The following C1orf159 variants were observed in gnomAD, a reference collection of about 807,000 sequenced individuals.
C1orf159 encodes the protein uncharacterized protein C1orf159.
A neutral mutation model predicts 25.6 loss-of-function variants in C1orf159; 19 were observed. The observed-to-expected ratio is 0.74, with a 90% CI of 0.52 to 1.09. C1orf159 has a LOEUF of 1.09. Among genes scored for constraint, C1orf159 ranks in the 50% least tolerant of loss-of-function variants. The probability of loss-of-function intolerance (pLI) is 0.00; values close to 1 mark genes in which losing one functional copy is unlikely to be tolerated. For synonymous variants in C1orf159, 139 were observed against 124.7 expected, an observed-to-expected ratio of 1.12 and a Z score of -0.77; for missense variants, 274 against 290.6, an observed-to-expected ratio of 0.94 and a Z score of 0.42.
At chr1:1,108,416 A>G (rs1349357264) in intron 1 of C1orf159, among the ~76,000 whole-genome samples, 3 of 96,092 alleles carry the variant, frequency 3.1e-5, no homozygotes, top group African/African-American at 1.1e-4. Flanking sequence ...ACCATGTCTC[A>G]GCAGCACCGT....
At position 1,110,152 on chromosome 1, in the gene C1orf159, C is replaced by A. The variant is rs1013606456; in HGVS notation, c.-136+5908G>T. Among the ~76,000 whole-genome samples the A allele has an allele frequency of 1.3e-5, 2 of 152,174 alleles. No homozygotes were observed. Among genetic ancestry groups the A allele is most frequent in the Non-Finnish European group, 2.9e-5 (2 of 68,034 alleles). ...GGCGTCTTATTGCCGCAGAGTCTGT[C>A]AGTCTCGTGATCTCCACTTTAACAC... On this transcript the variant is annotated intron_variant, in intron 1 of 9. Coordinates refer to ENST00000421241, the MANE Select transcript of C1orf159 (RefSeq NM_017891.5). This position sits in a 1 kb window ranked among gnomAD's most constrained non-coding sequence, Gnocchi z 4.8.
At chr1:1,084,543 A>G (rs1479921811) in intron 7 of C1orf159, 37 bp from the exon 8 acceptor site, 1 of 1,548,956 alleles carries the variant, frequency 6.5e-7, no homozygotes, top group Non-Finnish European at 8.7e-7. Context: ...CCTGGAGCCC[A>G]GGAGCTGCCT....
At chr1:1,113,912 C>A (rs893908887) in intron 1 of C1orf159, among the ~76,000 whole-genome samples, 3 of 144,430 alleles carry the variant, frequency 2.1e-5, no homozygotes, top group Non-Finnish European at 1.5e-5. Context: ...TCCCTCGAGG[C>A]CTTTTTTTTT....
In C1orf159 at chr1:1,089,852, C is replaced by G. The variant is rs2100748015; in HGVS notation, c.148+501G>C. On this transcript the variant is annotated intron_variant, in intron 4 of 9. Transcript: ENST00000421241. The surrounding 1 kb of genome is among the most constrained non-coding windows in gnomAD (Gnocchi z 7.5). ...CCCAGCTGCCCCCAGACAGTCCCTTCCGCAGCCTCCCAGAACCTCTGATGA... is the reference window on the plus strand; with the variant it reads ...CCCAGCTGCCCCCAGACAGTCCCTTGCGCAGCCTCCCAGAACCTCTGATGA... Among the ~76,000 whole-genome samples the G allele has an allele frequency of 6.6e-6, 1 of 152,348 alleles. No individual in the cohort carries two copies. The highest frequency in any genetic ancestry group is 2.4e-5 in the African/African-American group (1 of 41,590).
intron 8 of C1orf159, 42 bp downstream of exon 8, chr1:1,084,439 C>G (rs760395326): frequency 2.5e-6 from 4 of 1,578,194 alleles, no homozygotes; most frequent in Non-Finnish European, 3.4e-6. Flanking sequence ...CACAGGCACA[C>G]GCGGCCAGGG....
In C1orf159 at chr1:1,087,339, C is replaced by T; in HGVS notation, c.245-135G>A. On this transcript the variant is annotated intron_variant, in intron 5 of 9. Coordinates refer to ENST00000421241, the MANE Select transcript of C1orf159 (RefSeq NM_017891.5). This position sits in a 1 kb window ranked among gnomAD's most constrained non-coding sequence, Gnocchi z 8.3. ...GGGCGGAGCAGCCCTCACCACAGAG[C>T]TGTCCCGAATGGCCCAGCAGACTCG... 1 of 1,184,972 alleles carries T rather than the reference C, an allele frequency of 8.4e-7. No homozygotes were observed. The highest frequency in any genetic ancestry group is 1.5e-5 in the South Asian group (1 of 64,534). 73.4% of individuals were successfully genotyped at this position (1,184,972 alleles called of 1,614,324 possible).
In C1orf159 at chr1:1,090,698, G is replaced by A. The variant is rs905942509; in HGVS notation, c.73-270C>T. On this transcript the variant is annotated intron_variant, in intron 3 of 9. Transcript: ENST00000421241. ...GAAGAGTAAACCACCCCCAGGAGGCGGCACCCGCAGGCCATGGCAGCGCCA... is the reference window on the plus strand; with the variant it reads ...GAAGAGTAAACCACCCCCAGGAGGCAGCACCCGCAGGCCATGGCAGCGCCA... The A allele has an allele frequency of 1.2e-4, 89 of 712,520 alleles. No individual in the cohort carries two copies. In the East Asian group the frequency reaches 1.5e-3, roughly 12 times the overall value. The allele number at this position is 712,520 out of a possible 1,614,324, so 44.1% of individuals were successfully genotyped here.
chr1:1,082,772 G>A lies in C1orf159; in HGVS notation c.*121C>T, dbSNP rs956281587. On this transcript the variant is annotated 3_prime_UTR_variant, in exon 10 of 10. Transcript: ENST00000421241. ...CTGGGAGGCGGAGGGACTCAGAGCC[G>A]AGGCTGTGCCCAGGACTGTCCCGGG... 9 of 922,416 alleles carry A rather than the reference G, an allele frequency of 9.8e-6. No homozygotes were observed. The highest frequency in any genetic ancestry group is 8.0e-5 in the East Asian group (3 of 37,460). 57.1% of individuals were successfully genotyped at this position (922,416 alleles called of 1,614,324 possible).
chr1:1,115,283 C>A (rs1166051469), intron 1 of C1orf159, among the ~76,000 whole-genome samples: 1 of 152,166 alleles, frequency 6.6e-6, no homozygotes, highest in Non-Finnish European at 1.5e-5. Context: ...ACACGCGCTC[C>A]CGAAAAACTG....
At chr1:1,115,253 ATCGAC>A (rs1273705419) in intron 1 of C1orf159, among the ~76,000 whole-genome samples, 1 of 147,720 alleles carries the variant, frequency 6.8e-6, no homozygotes, top group Non-Finnish European at 1.5e-5. Flanking sequence ...AAACTCAATC[ATCGAC>A]TCGCTGCCAC....
At chr1:1,114,559 C>A (rs1481875395) in intron 1 of C1orf159, among the ~76,000 whole-genome samples, 1 of 152,164 alleles carries the variant, frequency 6.6e-6, no homozygotes, top group Non-Finnish European at 1.5e-5. Context: ...GCTGAGGTGA[C>A]TGCGTGTGGA....
At chr1:1,098,071 T>TA (rs1289837441) in intron 1 of C1orf159, among the ~76,000 whole-genome samples, 3 of 152,000 alleles carry the variant, frequency 2.0e-5, no homozygotes, top group Non-Finnish European at 4.4e-5. Context: ...CCACCTGAGT[T>TA]ACAAATTTTT....
In C1orf159 at chr1:1,095,790, G is replaced by A. The variant is rs927305828; in HGVS notation, c.-135-3687C>T. ...AATATTTCGCCATCAAAAGTACAAC[G>A]TCTAGTGTAGGTTTTTCATAGATGT... On this transcript the variant is annotated intron_variant, in intron 1 of 9. Coordinates refer to ENST00000421241, the MANE Select transcript of C1orf159 (RefSeq NM_017891.5). Among the ~76,000 whole-genome samples the A allele has an allele frequency of 2.6e-5, 4 of 152,124 alleles. No homozygotes were observed. The East Asian group carries it at 5.8e-4, about 22-fold the overall frequency.
At chr1:1,092,337 G>A (rs570014601) in intron 1 of C1orf159, 166 of 197,192 alleles carry the variant, frequency 8.4e-4, no homozygotes, top group African/African-American at 3.7e-3. Flanking sequence ...GCTGGGATAC[G>A]GGCCCTCGGC....
intron 1 of C1orf159, among the ~76,000 whole-genome samples, chr1:1,115,839 G>C (rs911448993): frequency 7.1e-6 from 1 of 140,506 alleles, no homozygotes; most frequent in Admixed American, 7.1e-5. Context: ...ATAGGACCGC[G>C]GCCAGGCTCG....
intron 6 of C1orf159, among the ~76,000 whole-genome samples, chr1:1,086,221 G>A (rs1467627492): frequency 2.0e-5 from 3 of 152,254 alleles, no homozygotes; most frequent in African/African-American, 7.2e-5. Context: ...GCGGGGTCTG[G>A]GAAAGTTACC....
At chr1:1,091,659 G>C (rs929549183) in intron 2 of C1orf159, 94 bp from the exon 3 acceptor site, 15 of 878,222 alleles carry the variant, frequency 1.7e-5, no homozygotes, top group East Asian at 8.1e-5. Flanking sequence ...AGAGATGTTG[G>C]GGGGGTGCGG....
intron 1 of C1orf159, among the ~76,000 whole-genome samples, chr1:1,103,741 G>A (rs185991939): frequency 1.3e-5 from 2 of 152,130 alleles, no homozygotes; most frequent in Non-Finnish European, 2.9e-5. Flanking sequence ...TTGCTTGTTT[G>A]TTTTCTGGAG....
chr1:1,083,780 C>T, intron 9 of C1orf159: 3 of 801,526 alleles, frequency 3.7e-6, no homozygotes, highest in Non-Finnish European at 5.9e-6. Context: ...AAGGCACGGT[C>T]ACCTGCCCCC....
Sources: gnomAD v4.1 joint callset for allele counts (sites outside exome capture counted in the v4.1 genomes callset) on GRCh38, gnomAD v4.1.1 for gene constraint, Gnocchi (gnomAD v3.1) non-coding constraint, MANE v1.5 for transcripts, NCBI Gene and HGNC (gene_info 2026-07-23, HGNC 2026-07-21) for gene names.